The following FSTL5 variants were observed in gnomAD, a reference collection of about 807,000 sequenced individuals.
FSTL5 encodes the protein follistatin-related protein 5.
FSTL5 carries 62 observed loss-of-function variants against 89.1 expected under a neutral mutation model. The ratio of observed to expected loss-of-function variants is 0.70; its 90% confidence interval spans 0.57 to 0.86. The LOEUF is 0.86. Ranked by LOEUF, FSTL5 falls within the 40% of genes least tolerant of loss-of-function variation. The probability of loss-of-function intolerance (pLI) is 0.00; values close to 1 mark genes in which losing one functional copy is unlikely to be tolerated. For synonymous variants in FSTL5, 383 were observed against 346.2 expected, an observed-to-expected ratio of 1.11 and a Z score of -1.18; for missense variants, 1,057 against 1,001.6, an observed-to-expected ratio of 1.06 and a Z score of -0.75.
intron 4 of FSTL5, among the ~76,000 whole-genome samples, chr4:161,831,405 T>C (rs1196012256): frequency 2.0e-5 from 3 of 151,918 alleles, no homozygotes; most frequent in Admixed American, 6.6e-5. Flanking sequence ...GGCTATTAAA[T>C]TGACATTTTC....
chr4:161,395,676 A>AT (rs1259229763), intron 15 of FSTL5, among the ~76,000 whole-genome samples: 2 of 152,018 alleles, frequency 1.3e-5, no homozygotes, highest in African/African-American at 2.4e-5. Flanking sequence ...ACTGTGGGAG[A>AT]TTTTTTTCTC....
intron 3 of FSTL5, among the ~76,000 whole-genome samples, chr4:162,022,187 A>G (rs976663221): frequency 2.6e-5 from 4 of 152,204 alleles, no homozygotes; most frequent in East Asian, 1.9e-4. Context: ...TTTCACCACT[A>G]TGCAATATAT....
At chr4:162,124,454 G>A (rs6826644) in intron 1 of FSTL5, among the ~76,000 whole-genome samples, 31,629 of 151,974 alleles carry the variant, frequency 0.21, 3,520 homozygotes, top group African/African-American at 0.21. Context: ...AAAATTCCCA[G>A]TATAACTGGT....
chr4:161,493,281 G>C (rs1363403123), intron 12 of FSTL5, among the ~76,000 whole-genome samples: 4 of 151,544 alleles, frequency 2.6e-5, no homozygotes, highest in Non-Finnish European at 5.9e-5. Flanking sequence ...CAAAATTATT[G>C]TCTCTCATAG....
At chr4:162,143,330 T>A (rs1264869880) in intron 1 of FSTL5, among the ~76,000 whole-genome samples, 1 of 152,112 alleles carries the variant, frequency 6.6e-6, no homozygotes, top group Non-Finnish European at 1.5e-5. Flanking sequence ...TTAAATAAAT[T>A]CCATTTGATT....
intron 8 of FSTL5, among the ~76,000 whole-genome samples, chr4:161,579,286 C>A (rs879547872): frequency 1.3e-5 from 2 of 151,586 alleles, no homozygotes; most frequent in African/African-American, 4.8e-5. Context: ...AGTTTCATAT[C>A]GTATGTGTGG....
intron 13 of FSTL5, among the ~76,000 whole-genome samples, chr4:161,465,351 T>G (rs948445737): frequency 6.6e-6 from 1 of 152,172 alleles, no homozygotes. Flanking sequence ...TGACATGAAG[T>G]AAATGCATTA....
intron 7 of FSTL5, among the ~76,000 whole-genome samples, chr4:161,593,157 T>C (rs1199735300): frequency 6.6e-6 from 1 of 152,132 alleles, no homozygotes; most frequent in Non-Finnish European, 1.5e-5. Flanking sequence ...AAGCAAGCAT[T>C]TATCTTCACT....
chr4:162,111,570 G>A lies in FSTL5; in HGVS notation c.-16-158C>T, dbSNP rs142171409. ...ATGAGAAGTGAGTATCTCCAAATAC[G>A]GATTATTCCTTTGATCATAACAAAT... On this transcript the variant is annotated intron_variant, in intron 1 of 15. Transcript: ENST00000306100. Among the ~76,000 whole-genome samples the A allele has an allele frequency of 2.0e-4, 30 of 151,974 alleles. No individual in the cohort carries two copies. In the East Asian group the frequency reaches 4.3e-3, roughly 22 times the overall value.
chr4:161,453,773 T>C (rs1394791658), intron 15 of FSTL5, among the ~76,000 whole-genome samples: 1 of 152,080 alleles, frequency 6.6e-6, no homozygotes, highest in Non-Finnish European at 1.5e-5. Flanking sequence ...TTTGTAATTT[T>C]AATAGAGACA....
intron 3 of FSTL5, among the ~76,000 whole-genome samples, chr4:161,987,057 A>G (rs973272089): frequency 6.6e-6 from 1 of 152,128 alleles, no homozygotes; most frequent in Non-Finnish European, 1.5e-5. Flanking sequence ...CCCTAAATCT[A>G]TAGTAGCTCC....
chr4:161,748,596 G>A (rs1172588770), intron 6 of FSTL5, among the ~76,000 whole-genome samples: 2 of 138,788 alleles, frequency 1.4e-5, no homozygotes, highest in Admixed American at 7.9e-5. Context: ...ATAATGCAAA[G>A]GGGAAGCACG....
At chr4:161,792,423 T>A (rs1075273) in intron 4 of FSTL5, among the ~76,000 whole-genome samples, 10 of 151,838 alleles carry the variant, frequency 6.6e-5, no homozygotes, top group Non-Finnish European at 1.3e-4. Flanking sequence ...GGAAAGAAGC[T>A]GGTGTCTGGT....
intron 1 of FSTL5, among the ~76,000 whole-genome samples, chr4:162,128,721 G>C (rs188623287): frequency 6.6e-6 from 1 of 152,010 alleles, no homozygotes; most frequent in Non-Finnish European, 1.5e-5. Context: ...ATAGAAAAAA[G>C]CTGTTGGTAT....
intron 7 of FSTL5, among the ~76,000 whole-genome samples, chr4:161,591,805 A>T (rs1287679942): frequency 6.6e-6 from 1 of 152,182 alleles, no homozygotes; most frequent in African/African-American, 2.4e-5. Context: ...TTTCATCTAT[A>T]TACTAAACCT....
At chr4:161,408,308 C>T (rs1483259115) in intron 15 of FSTL5, among the ~76,000 whole-genome samples, 1 of 152,098 alleles carries the variant, frequency 6.6e-6, no homozygotes. Context: ...AACTTCAACA[C>T]CAAAAATCAT....
chr4:161,480,441 G>T (rs10019931), intron 13 of FSTL5, among the ~76,000 whole-genome samples: 234 of 152,302 alleles, frequency 1.5e-3, no homozygotes, highest in African/African-American at 5.5e-3. Flanking sequence ...TAAAGAGCAT[G>T]GGCTGCAGCA....
chr4:161,490,216 G>A (rs1729818119), intron 12 of FSTL5, among the ~76,000 whole-genome samples: 1 of 152,038 alleles, frequency 6.6e-6, no homozygotes, highest in Non-Finnish European at 1.5e-5. Flanking sequence ...TTAAGGAAAA[G>A]CATCATACAG....
At chr4:161,903,532 A>T (rs1223073253) in intron 4 of FSTL5, among the ~76,000 whole-genome samples, 2 of 151,962 alleles carry the variant, frequency 1.3e-5, no homozygotes, top group African/African-American at 4.8e-5. Flanking sequence ...TTTGATAAAA[A>T]GTTTTTTAAA....
Sources: allele counts gnomAD v4.1 joint callset (sites outside exome capture counted in the v4.1 genomes callset), GRCh38; gene constraint gnomAD v4.1.1; transcripts MANE v1.5; gene names NCBI Gene and HGNC (gene_info 2026-07-23, HGNC 2026-07-21).